C12orf50: variants seen among roughly 807,000 people sequenced by gnomAD.
C12orf50 encodes the protein uncharacterized protein C12orf50.
In C12orf50, 35 loss-of-function variants were observed where a neutral mutation model predicts 61.6. The ratio of observed to expected loss-of-function variants is 0.57; its 90% CI spans 0.43 to 0.75. The LOEUF (loss-of-function observed/expected upper bound fraction) is 0.75. C12orf50 is among the 30% of genes least tolerant of loss of function. The pLI is 0.00. For missense variants in C12orf50, 475 were observed against 488.5 expected (o/e 0.97, Z 0.26); for synonymous variants, 178 against 161.5 (o/e 1.10, Z -0.77).
intron 1 of C12orf50, chr12:88,027,784 C>T (rs2032759912): frequency 6.6e-6 from 1 of 152,004 alleles, no homozygotes. Context: ...AACTACAAGC[C>T]CCTGTTGTGT....
chr12:87,980,438 G>A, intron 12 of C12orf50, 82 bp from the exon 13 acceptor site: 1 of 1,209,376 alleles, frequency 8.3e-7, no homozygotes, highest in Non-Finnish European at 1.2e-6. Flanking sequence ...CTAATTACTT[G>A]CCGTAAATCT....
intron 5 of C12orf50, 29 bp downstream of exon 5, chr12:87,996,540 A>G: frequency 6.3e-7 from 1 of 1,594,606 alleles, no homozygotes; most frequent in Admixed American, 1.7e-5. Flanking sequence ...ATCAAGTATT[A>G]GAAAATACAA....
At chr12:88,004,198 G>A (rs887109084) in intron 3 of C12orf50, among the ~76,000 whole-genome samples, 20 of 151,978 alleles carry the variant, frequency 1.3e-4, no homozygotes, top group Admixed American at 5.9e-4. Flanking sequence ...AGGAGTTTAG[G>A]TCTTTGGACA....
intron 9 of C12orf50, 118 bp from the exon 10 acceptor site, chr12:87,986,534 C>T (rs1280694434): frequency 6.2e-6 from 4 of 646,322 alleles, no homozygotes; most frequent in Non-Finnish European, 1.0e-5. Flanking sequence ...AAAATAAATG[C>T]ACCATCCTAA....
chr12:88,014,291 A>G (rs1184140432), intron 3 of C12orf50, among the ~76,000 whole-genome samples: 1 of 125,542 alleles, frequency 8.0e-6, no homozygotes, highest in Non-Finnish European at 1.5e-5. Flanking sequence ...ACTTTTTTTA[A>G]TTTTTATTTA....
intron 3 of C12orf50, among the ~76,000 whole-genome samples, chr12:88,016,635 AT>A (rs761746813): frequency 6.6e-6 from 1 of 152,232 alleles, no homozygotes; most frequent in Non-Finnish European, 1.5e-5. Flanking sequence ...TAGTTAACAG[AT>A]TTAACATAAA....
rs976197246 is a variant in C12orf50 at position 88,022,696 on chromosome 12, T to C, written c.133+3792A>G. Among the ~76,000 whole-genome samples the C allele has an allele frequency of 5.3e-5, 8 of 152,268 alleles. No individual in the cohort carries two copies. The East Asian group carries it at 1.5e-3, about 29-fold the overall frequency. On this transcript the variant is annotated intron_variant, in intron 3 of 12. Coordinates refer to ENST00000298699, the MANE Select transcript of C12orf50 (RefSeq NM_152589.3). ...ATTAACATACAAATATCAGTAGCAT[T>C]CCTATACAACAACAACATCCAAGCC...
At chr12:87,999,743 A>C (rs909216422) in intron 3 of C12orf50, among the ~76,000 whole-genome samples, 4 of 152,140 alleles carry the variant, frequency 2.6e-5, no homozygotes, top group Non-Finnish European at 5.9e-5. Context: ...TTATATCAAC[A>C]TTATTTATAA....
At chr12:87,991,567 T>A (rs1377355593) in intron 7 of C12orf50, among the ~76,000 whole-genome samples, 1 of 152,118 alleles carries the variant, frequency 6.6e-6, no homozygotes, top group African/African-American at 2.4e-5. Flanking sequence ...GAAAAAAATA[T>A]TTTAAATGGG....
At chr12:88,020,318 C>A (rs952172919) in intron 3 of C12orf50, among the ~76,000 whole-genome samples, 1 of 152,128 alleles carries the variant, frequency 6.6e-6, no homozygotes, top group Non-Finnish European at 1.5e-5. Context: ...TACAATGATA[C>A]CCATAGGCTC....
At chr12:87,988,990 G>A (rs1268138826) in intron 8 of C12orf50, among the ~76,000 whole-genome samples, 2 of 152,026 alleles carry the variant, frequency 1.3e-5, no homozygotes, top group African/African-American at 4.8e-5. Context: ...ATAAATTAAA[G>A]GACTTGGTAT....
rs753984627 is a variant in C12orf50 at position 88,026,947 on chromosome 12, C to G, written c.12+4G>C. On this transcript the variant is annotated splice_donor_region_variant and intron_variant, in intron 2 of 12. Coordinates refer to ENST00000298699, the MANE Select transcript of C12orf50 (RefSeq NM_152589.3). ...ACAAAAATGATGACGCCAAGTAATT[C>G]TACCTGCATTTCCATGTGTCTAAAT... 1 of 1,608,420 alleles carries G rather than the reference C, an allele frequency of 6.2e-7. No homozygotes were observed. Among genetic ancestry groups the G allele is most frequent in the East Asian group, 2.2e-5 (1 of 44,814 alleles).
At chr12:88,017,036 G>A (rs2032336036) in intron 3 of C12orf50, among the ~76,000 whole-genome samples, 1 of 152,182 alleles carries the variant, frequency 6.6e-6, no homozygotes, top group Admixed American at 6.5e-5. Flanking sequence ...TTTGCACAAA[G>A]CCCCTAAAGC....
intron 3 of C12orf50, 74 bp from the exon 4 acceptor site, chr12:87,998,264 G>A: frequency 8.6e-7 from 1 of 1,162,274 alleles, no homozygotes; most frequent in South Asian, 1.7e-5. Context: ...ATCAATCATT[G>A]CCCTCCTAAT....
intron 9 of C12orf50, among the ~76,000 whole-genome samples, chr12:87,986,892 T>C (rs1190096927): frequency 6.6e-6 from 1 of 152,182 alleles, no homozygotes; most frequent in African/African-American, 2.4e-5. Context: ...GGTGTACAGA[T>C]AGTTTGGTCA....
chr12:87,986,205 A>G, intron 10 of C12orf50, 107 bp downstream of exon 10: 1 of 1,221,526 alleles, frequency 8.2e-7, no homozygotes, highest in Non-Finnish European at 1.1e-6. Flanking sequence ...CCCCTAAAGT[A>G]ACATTTACGT....
intron 3 of C12orf50, among the ~76,000 whole-genome samples, chr12:88,009,554 G>T (rs1042727547): frequency 6.6e-6 from 1 of 151,904 alleles, no homozygotes; most frequent in Non-Finnish European, 1.5e-5. Flanking sequence ...TATATTTTTG[G>T]TTGTTACAAC....
intron 3 of C12orf50, among the ~76,000 whole-genome samples, chr12:88,004,546 G>T (rs1447171702): frequency 2.0e-5 from 3 of 152,060 alleles, no homozygotes; most frequent in African/African-American, 7.2e-5. Flanking sequence ...TCCCATTATT[G>T]GGTATATACA....
intron 3 of C12orf50, among the ~76,000 whole-genome samples, chr12:88,008,287 C>G (rs576273461): frequency 6.6e-6 from 1 of 152,074 alleles, no homozygotes; most frequent in African/African-American, 2.4e-5. Flanking sequence ...CATCATTTAG[C>G]TCCCATTTGT....
Sources: gnomAD v4.1 joint callset for allele counts (sites outside exome capture counted in the v4.1 genomes callset) on GRCh38, gnomAD v4.1.1 for gene constraint, MANE v1.5 for transcripts, NCBI Gene and HGNC (gene_info 2026-07-23, HGNC 2026-07-21) for gene names.